NUP153: variants seen among roughly 807,000 people sequenced by gnomAD.
The protein encoded by NUP153 is nuclear pore complex protein Nup153.
A neutral mutation model predicts 134.6 loss-of-function variants in NUP153; 27 were observed. That is an observed-to-expected ratio of 0.20 (90% CI 0.15 to 0.28). The LOEUF is 0.28. NUP153 is among the 10% of genes least tolerant of loss of function. The pLI, the probability that NUP153 is intolerant of heterozygous loss-of-function variation, is 1.00. For missense variants in NUP153, 1,821 were observed against 1,731.3 expected (o/e 1.05, Z -0.92); for synonymous variants, 640 against 623.5 (o/e 1.03, Z -0.40).
chr6:17,670,121 G>T (rs1442486413), intron 5 of NUP153, among the ~76,000 whole-genome samples: 8 of 110,372 alleles, frequency 7.2e-5, no homozygotes, highest in African/African-American at 2.1e-4. Flanking sequence ...AAAAAAAAAA[G>T]TACTACACGC....
chr6:17,695,438 TTA>T (rs1338565979), intron 1 of NUP153, among the ~76,000 whole-genome samples: 1 of 152,204 alleles, frequency 6.6e-6, no homozygotes, highest in Non-Finnish European at 1.5e-5. Flanking sequence ...ATAACCATGA[TTA>T]TAAGCTTAAC....
At chr6:17,655,709 CT>C (rs1227792735) in intron 11 of NUP153, among the ~76,000 whole-genome samples, 2 of 152,054 alleles carry the variant, frequency 1.3e-5, no homozygotes, top group African/African-American at 4.8e-5. Flanking sequence ...CGGCCTCAGC[CT>C]TCCCAAAGTA....
intron 1 of NUP153, among the ~76,000 whole-genome samples, chr6:17,690,405 T>C (rs1443564400): frequency 6.6e-6 from 1 of 151,908 alleles, no homozygotes; most frequent in African/African-American, 2.4e-5. Context: ...GGCTTTGGGA[T>C]TGCCAGGACC....
rs1767166261 is a variant in NUP153 at position 17,661,370 on chromosome 6, T to C, written c.1395+283A>G. 1.3e-5 allele frequency among the ~76,000 whole-genome samples: 2 copies of C among 152,158 alleles called. No individual in the cohort carries two copies. Among genetic ancestry groups the C allele is most frequent in the Non-Finnish European group, 2.9e-5 (2 of 68,030 alleles). ...TATTTATGAACTTATTTACGTATGT[T>C]TTACAAACAGACAAAACTATACAGT... On this transcript the variant is annotated intron_variant, in intron 11 of 21. Coordinates refer to ENST00000262077, the MANE Select transcript of NUP153 (RefSeq NM_005124.4).
chr6:17,668,926 C>A lies in NUP153; in HGVS notation c.1068+49G>T, dbSNP rs769147365. The A allele has an allele frequency of 3.1e-6, 4 of 1,289,858 alleles. No individual in the cohort carries two copies. The East Asian group carries it at 9.7e-5, about 31-fold the overall frequency. The allele number at this position is 1,289,858 out of a possible 1,614,324, so 79.9% of individuals were successfully genotyped here. A position where few individuals can be genotyped will look rare whatever the true frequency, so the allele number is the denominator to read the frequency against. ...TTTGTATACTTGTGAACTTTAAACACAACAAAATTGTAGACAGTTTAAATA... is the reference window on the plus strand; with the variant it reads ...TTTGTATACTTGTGAACTTTAAACAAAACAAAATTGTAGACAGTTTAAATA... On this transcript the variant is annotated intron_variant, in intron 8 of 21. Transcript: ENST00000262077.
intron 11 of NUP153, chr6:17,651,829 C>T (rs981666419): frequency 2.2e-5 from 14 of 628,882 alleles, no homozygotes; most frequent in Non-Finnish European, 4.2e-5. Flanking sequence ...CATGGTAGCA[C>T]ATACCTGTAA....
Position 17,675,603 on chromosome 6 carries a change from C to T in NUP153, c.502G>A (p.Glu168Lys). Residue 168 changes from glutamate (E) to lysine (K), a missense_variant, in exon 3 of 22, where the codon GAA becomes AAA. Transcript: ENST00000262077. The surrounding 1 kb of genome is among the most constrained non-coding windows in gnomAD (Gnocchi z 4.4). ...TGCTGAGAGGTAGAATCTTTAATTTCCTTTACAAGGGAAAATCCCGAACTG... is the reference window on the plus strand; with the variant it reads ...TGCTGAGAGGTAGAATCTTTAATTTTCTTTACAAGGGAAAATCCCGAACTG... ...IGSSGFSLVK[E>K]IKDSTSQHDD... 6.2e-7 allele frequency: 1 copy of T among 1,614,112 alleles called. No individual in the cohort carries two copies. The highest frequency in any genetic ancestry group is 8.5e-7 in the Non-Finnish European group (1 of 1,180,010).
chr6:17,704,837 G>C (rs1456534361), intron 1 of NUP153, among the ~76,000 whole-genome samples: 1 of 151,752 alleles, frequency 6.6e-6, no homozygotes, highest in Admixed American at 6.6e-5. Context: ...TCTGCTCACG[G>C]CAAGCTCCGC....
chr6:17,621,746 T>C (rs1031916645), intron 20 of NUP153, among the ~76,000 whole-genome samples: 3 of 152,116 alleles, frequency 2.0e-5, no homozygotes, highest in African/African-American at 4.8e-5. Flanking sequence ...AACATATAGC[T>C]AGATAGAAGG....
At chr6:17,641,801 G>A (rs546264375) in intron 14 of NUP153, among the ~76,000 whole-genome samples, 1 of 151,600 alleles carries the variant, frequency 6.6e-6, no homozygotes, top group South Asian at 2.1e-4. Flanking sequence ...GCAGTGAAAC[G>A]AGCTTGCACA....
At chr6:17,692,303 CAG>C (rs1346755700) in intron 1 of NUP153, among the ~76,000 whole-genome samples, 1 of 152,178 alleles carries the variant, frequency 6.6e-6, no homozygotes, top group African/African-American at 2.4e-5. Context: ...AACAGTGAGA[CAG>C]AGACATTACT....
At chr6:17,704,723 T>C (rs1214474284) in intron 1 of NUP153, among the ~76,000 whole-genome samples, 1 of 122,826 alleles carries the variant, frequency 8.1e-6, no homozygotes, top group African/African-American at 2.9e-5. Flanking sequence ...TTAAGAAAAC[T>C]AGAAGACAAA....
chr6:17,706,408 C>G lies in NUP153; in HGVS notation c.-21G>C. On this transcript the variant is annotated 5_prime_UTR_variant, in exon 1 of 22. Transcript: ENST00000262077. The surrounding 1 kb of genome is among the most constrained non-coding windows in gnomAD (Gnocchi z 5.9). ...GCCATGGCGGAGCCTCCGCCGCTTC[C>G]CGCTCCGGGGCGGGTAAGGGGGCGG... is the stretch of plus-strand genomic sequence containing the variant. 6.3e-7 allele frequency: 1 copy of G among 1,595,188 alleles called. No individual in the cohort carries two copies. Among genetic ancestry groups the G allele is most frequent in the Non-Finnish European group, 8.6e-7 (1 of 1,167,252 alleles).
At chr6:17,666,190 C>T (rs113902198) in intron 8 of NUP153, among the ~76,000 whole-genome samples, 2,527 of 152,094 alleles carry the variant, frequency 0.017, 25 homozygotes, top group Non-Finnish European at 0.024. Context: ...GAATTACTGT[C>T]CATATTTTTT....
At chr6:17,693,474 T>C (rs1769413067) in intron 1 of NUP153, among the ~76,000 whole-genome samples, 1 of 152,234 alleles carries the variant, frequency 6.6e-6, no homozygotes, top group South Asian at 2.1e-4. Context: ...ATTTCTTCCC[T>C]GTATTCTTCC....
intron 20 of NUP153, among the ~76,000 whole-genome samples, chr6:17,621,808 C>T (rs1337451469): frequency 6.6e-6 from 1 of 152,114 alleles, no homozygotes; most frequent in Non-Finnish European, 1.5e-5. Flanking sequence ...ATTTATTGTA[C>T]ATTTCAAAAT....
At chr6:17,698,357 C>T (rs1769802136) in intron 1 of NUP153, among the ~76,000 whole-genome samples, 3 of 152,246 alleles carry the variant, frequency 2.0e-5, no homozygotes, top group Admixed American at 1.3e-4. Context: ...CTTTGGAGGC[C>T]AAGGCAGGGG....
Position 17,659,287 on chromosome 6 carries a change from T to C in NUP153, c.1395+2366A>G, listed in dbSNP as rs12212710. ...AGCACAGATTTTTGTGCTATAAGAA[T>C]AAGCAAATTTATTTCTCGTTGGCAA... is the stretch of plus-strand genomic sequence containing the variant. On this transcript the variant is annotated intron_variant, in intron 11 of 21. Transcript: ENST00000262077. Among the ~76,000 whole-genome samples the C allele has an allele frequency of 8.9e-3, 1,349 of 152,372 alleles. 10 individuals carry two copies. Among genetic ancestry groups the C allele is most frequent in the Non-Finnish European group, 0.014 (937 of 68,038 alleles).
intron 13 of NUP153, 144 bp from the exon 14 acceptor site, chr6:17,646,298 C>T (rs997559808): frequency 3.1e-5 from 14 of 452,036 alleles, no homozygotes; most frequent in Non-Finnish European, 4.8e-5. Context: ...ACCTCCGCCT[C>T]CCGGGTTCAC....
Sources: gnomAD v4.1 joint callset for allele counts (sites outside exome capture counted in the v4.1 genomes callset) on GRCh38, gnomAD v4.1.1 for gene constraint, Gnocchi (gnomAD v3.1) non-coding constraint, MANE v1.5 for transcripts, NCBI Gene and HGNC (gene_info 2026-07-23, HGNC 2026-07-21) for gene names.